Variants in KLHL11 observed in about 807,000 individuals in gnomAD.
KLHL11 encodes the protein kelch-like protein 11.
KLHL11 carries 26 observed loss-of-function variants against 56.1 expected under a neutral mutation model. That is an observed-to-expected ratio of 0.46 (90% CI 0.34 to 0.64). The LOEUF (loss-of-function observed/expected upper bound fraction) is 0.64. Among genes scored for constraint, KLHL11 ranks in the 30% least tolerant of loss-of-function variants. The pLI is 0.01. For missense variants in KLHL11, 627 were observed against 919.4 expected (o/e 0.68, Z 4.11); for synonymous variants, 338 against 345.8 (o/e 0.98, Z 0.25).
chr17:41,857,450 T>C (rs566276073), intron 1 of KLHL11, among the ~76,000 whole-genome samples: 3 of 149,296 alleles, frequency 2.0e-5, no homozygotes, highest in African/African-American at 7.4e-5. Context: ...GTGGTTGCAG[T>C]GAGCCAGGAT....
chr17:41,863,630 T>C (rs1306851746), intron 1 of KLHL11, among the ~76,000 whole-genome samples: 1 of 152,170 alleles, frequency 6.6e-6, no homozygotes, highest in African/African-American at 2.4e-5. Flanking sequence ...GGGATCTGGA[T>C]CCCTGCCCAT....
intron 1 of KLHL11, among the ~76,000 whole-genome samples, chr17:41,861,236 C>A (rs1321247526): frequency 6.6e-6 from 1 of 152,208 alleles, no homozygotes; most frequent in African/African-American, 2.4e-5. Flanking sequence ...TCTCCCATAA[C>A]CTGTCTTGAT....
chr17:41,861,686 CAAAAAAAAAAAA>C (rs71155178), intron 1 of KLHL11, among the ~76,000 whole-genome samples: 1 of 61,870 alleles, frequency 1.6e-5, no homozygotes, highest in African/African-American at 6.6e-5. Context: ...ACTCTTGTCT[CAAAAAAAAAAAA>C]AAAAAAAAAA....
At position 41,855,187 on chromosome 17, in the gene KLHL11, A is replaced by AT; in HGVS notation, c.679dup (p.Met227AsnfsTer13). On this transcript the variant is annotated frameshift_variant, in exon 2 of 2. Transcript: ENST00000319121. LOFTEE classifies it high-confidence loss of function. The stretch of plus-strand genomic sequence containing the variant: ...CACTTTGTGGAAATTTCTCCGTATC[A>AT]TATCAGCAGCCTTCAGAGCAAGTTG... The AT allele has an allele frequency of 7.4e-6, 12 of 1,614,206 alleles. No homozygotes were observed. The highest frequency in any genetic ancestry group is 1.0e-5 in the Non-Finnish European group (12 of 1,180,032).
intron 1 of KLHL11, among the ~76,000 whole-genome samples, chr17:41,855,855 A>G (rs193120793): frequency 0.015 from 2,234 of 147,954 alleles, 26 homozygotes; most frequent in Non-Finnish European, 0.019. Flanking sequence ...TACTTTTAGT[A>G]GAGACAGACA....
intron 1 of KLHL11, among the ~76,000 whole-genome samples, chr17:41,862,737 T>G (rs2048412358): frequency 6.6e-6 from 1 of 152,140 alleles, no homozygotes; most frequent in African/African-American, 2.4e-5. Context: ...GGGCTCAGTC[T>G]TGCCTACTCT....
At chr17:41,857,491 A>G (rs1251523683) in intron 1 of KLHL11, among the ~76,000 whole-genome samples, 1 of 150,972 alleles carries the variant, frequency 6.6e-6, no homozygotes, top group Non-Finnish European at 1.5e-5. Context: ...TAGGCAACAC[A>G]GCAAGACTCT....
rs1477354773 is a variant in KLHL11, at chr17:41,849,808, A to AT, written c.*3931dup. 2.2e-4 allele frequency: 34 copies of AT among 152,278 alleles called. No individual in the cohort carries two copies. Among genetic ancestry groups the AT allele is most frequent in the African/African-American group, 7.9e-4 (33 of 41,566 alleles). The allele number at this position is 152,278 out of a possible 1,614,324, so 9.4% of individuals were successfully genotyped here. Reference sequence around the variant, plus strand: ...CTGACATTCTCAATATATACCACTGATTTTTTTAAGCCATGGTGGGGTAGA... The same window carrying AT: ...CTGACATTCTCAATATATACCACTGATTTTTTTTAAGCCATGGTGGGGTAGA... On this transcript the variant is annotated 3_prime_UTR_variant, in exon 2 of 2. Transcript: ENST00000319121.
Position 41,851,384 on chromosome 17 carries a change from AC to A in KLHL11, c.*2355del, listed in dbSNP as rs1372948331. ...TTTGAGAGGCTGAGGTGGGCGGATC[AC>A]GAGGTCAGGAGTTCGAGACCAGCCT... On this transcript the variant is annotated 3_prime_UTR_variant, in exon 2 of 2. Coordinates refer to ENST00000319121, the MANE Select transcript of KLHL11 (RefSeq NM_018143.3). 6.6e-6 allele frequency: 1 copy of A among 152,162 alleles called. No individual in the cohort carries two copies. Among genetic ancestry groups the A allele is most frequent in the Non-Finnish European group, 1.5e-5 (1 of 68,070 alleles). The allele number at this position is 152,162 out of a possible 1,614,324, so 9.4% of individuals were successfully genotyped here. A position where few individuals can be genotyped will look rare whatever the true frequency, so the allele number is the denominator to read the frequency against.
chr17:41,855,029 C>T lies in KLHL11; in HGVS notation c.838G>A (p.Glu280Lys). 1.2e-6 allele frequency: 2 copies of T among 1,613,912 alleles called. No individual in the cohort carries two copies. The highest frequency in any genetic ancestry group is 2.2e-5 in the South Asian group (2 of 91,074). Residue 280 changes from glutamate to lysine, a missense_variant, in exon 2 of 2, where the codon GAG becomes AAG. Glu to Lys is a moderately conservative substitution (Grantham distance 56, BLOSUM62 1). This residue lies in a region of KLHL11 where 106 missense variants were observed against 227.0 expected (regional missense o/e 0.47). Coordinates refer to ENST00000319121, the MANE Select transcript of KLHL11 (RefSeq NM_018143.3). The stretch of plus-strand genomic sequence containing the variant: ...AGTTCTTCAAAGTATCTCTCTCTCT[C>T]TTCAGCATTTCTCTGAACCCATTTC... ...VLKWVQRNAE[E>K]RERYFEELFK...
At chr17:41,855,403 G>C in intron 1 of KLHL11, 82 bp from the exon 2 acceptor site, 13 of 1,044,750 alleles carry the variant, frequency 1.2e-5, no homozygotes, top group South Asian at 3.4e-5. Context: ...TTTTGAGACA[G>C]GGTCTCACTC....
intron 1 of KLHL11, among the ~76,000 whole-genome samples, chr17:41,863,293 G>A (rs139281878): frequency 5.3e-5 from 8 of 151,078 alleles, no homozygotes; most frequent in Admixed American, 4.6e-4. Flanking sequence ...CACCTCCCAG[G>A]CTCAAGCGAT....
chr17:41,863,557 C>T (rs1268212084), intron 1 of KLHL11, among the ~76,000 whole-genome samples: 2 of 152,190 alleles, frequency 1.3e-5, no homozygotes, highest in Non-Finnish European at 2.9e-5. Context: ...TCCTCTGCCC[C>T]AAACCTTCCC....
Position 41,848,906 on chromosome 17 carries a change from G to C in KLHL11, c.*4834C>G, listed in dbSNP as rs75914986. 0.047 allele frequency: 7,204 copies of C among 152,594 alleles called. 198 individuals are homozygous for C. Among genetic ancestry groups the C allele is most frequent in the East Asian group, 0.11 (585 of 5,182 alleles). 9.5% of individuals were successfully genotyped at this position (152,594 alleles called of 1,614,324 possible). Reference sequence around the variant, plus strand: ...TTCAATGTAAGACATTCGTAGTGATGGTCACTGAGTAAGATAAAAAGCCCT... The same window carrying C: ...TTCAATGTAAGACATTCGTAGTGATCGTCACTGAGTAAGATAAAAAGCCCT... On this transcript the variant is annotated 3_prime_UTR_variant, in exon 2 of 2. Transcript: ENST00000319121.
At chr17:41,855,850 T>C (rs1364164431) in intron 1 of KLHL11, among the ~76,000 whole-genome samples, 4 of 147,104 alleles carry the variant, frequency 2.7e-5, no homozygotes, top group East Asian at 4.0e-4. Flanking sequence ...TTTTGTACTT[T>C]TAGTAGAGAC....
At position 41,864,879 on chromosome 17, in the gene KLHL11, C is replaced by T. The variant is rs984995440; in HGVS notation, c.492G>A (p.Gly164=). 1 of 1,580,754 alleles carries T rather than the reference C, an allele frequency of 6.3e-7. No individual in the cohort carries two copies. The highest frequency in any genetic ancestry group is 8.6e-7 in the Non-Finnish European group (1 of 1,161,700). ...CGCTGCCCGTGCTGACGCGGATGCG[C>T]CCGGTGTACATGTACTCGATTACGG... The part of the protein sequence containing the change: ...VEAVIEYMYT[G]RIRVSTGSVH... The change falls in exon 1 of 2, where the codon GGG becomes GGA. Residue 164 remains glycine, a synonymous_variant. Coordinates refer to ENST00000319121, the MANE Select transcript of KLHL11 (RefSeq NM_018143.3).
intron 1 of KLHL11, among the ~76,000 whole-genome samples, chr17:41,862,825 G>A (rs1314029271): frequency 4.6e-5 from 7 of 152,112 alleles, no homozygotes; most frequent in African/African-American, 1.7e-4. Flanking sequence ...CATTTATACG[G>A]TAATTTTCCC....
rs1467268892 is a variant in KLHL11 at position 41,851,023 on chromosome 17, C to G, written c.*2717G>C. On this transcript the variant is annotated 3_prime_UTR_variant, in exon 2 of 2. Coordinates refer to ENST00000319121, the MANE Select transcript of KLHL11 (RefSeq NM_018143.3). The stretch of plus-strand genomic sequence containing the variant: ...ATTTGATCACTAACAAGAAGATTAA[C>G]TATAATGGACTAGGGAAAAAAAAAA... 1 of 151,752 alleles carries G rather than the reference C, an allele frequency of 6.6e-6. No individual in the cohort carries two copies. The highest frequency in any genetic ancestry group is 1.5e-5 in the Non-Finnish European group (1 of 67,980). The allele number at this position is 151,752 out of a possible 1,614,324, so 9.4% of individuals were successfully genotyped here. A position where few individuals can be genotyped will look rare whatever the true frequency, so the allele number is the denominator to read the frequency against.
Position 41,864,830 on chromosome 17 carries a change from C to G in KLHL11, c.541G>C (p.Asp181His). Residue 181 changes from aspartate (D) to histidine (H), a missense_variant, in exon 1 of 2, where the codon GAC becomes CAC. Asp to His is a moderately conservative substitution (Grantham distance 81). Transcript: ENST00000319121. Reference sequence around the variant, plus strand: ...GCTCCCGCCTCCCTCGCCTACCTGTCGGCCAACTCCAGCACCTCGTGCACG... The same window carrying G: ...GCTCCCGCCTCCCTCGCCTACCTGTGGGCCAACTCCAGCACCTCGTGCACG... ...GSVHEVLELA[D>H]RFLLIRLKEF... 1 of 1,502,978 alleles carries G rather than the reference C, an allele frequency of 6.7e-7. No individual in the cohort carries two copies. The highest frequency in any genetic ancestry group is 8.9e-7 in the Non-Finnish European group (1 of 1,122,786). The allele number at this position is 1,502,978 out of a possible 1,614,324, so 93.1% of individuals were successfully genotyped here.
Sources: gnomAD v4.1 joint callset for allele counts (sites outside exome capture counted in the v4.1 genomes callset) on GRCh38, gnomAD v4.1.1 for gene constraint, gnomAD v4.1.1 regional missense constraint, MANE v1.5 for transcripts, NCBI Gene and HGNC (gene_info 2026-07-23, HGNC 2026-07-21) for gene names.